Variants in TMPRSS15 observed in about 807,000 individuals in gnomAD.
The protein encoded by TMPRSS15 is transmembrane serine protease 15.
TMPRSS15 carries 128 observed loss-of-function variants against 125.3 expected under a neutral mutation model. That is an observed-to-expected ratio of 1.02 (90% CI 0.89 to 1.18). The LOEUF (loss-of-function observed/expected upper bound fraction) is 1.18, where lower values mean the gene tolerates loss of function less well. Among genes scored for constraint, TMPRSS15 ranks in the 50% most tolerant of loss-of-function variants. TMPRSS15 has a pLI of 0.00. For missense variants in TMPRSS15, 1,283 were observed against 1,212.7 expected (o/e 1.06, Z -0.86); for synonymous variants, 446 against 423.2 (o/e 1.05, Z -0.66).
intron 21 of TMPRSS15, among the ~76,000 whole-genome samples, chr21:18,282,838 T>A (rs1406477088): frequency 1.3e-5 from 2 of 152,198 alleles, no homozygotes; most frequent in Non-Finnish European, 2.9e-5. Flanking sequence ...CACCAGTGAC[T>A]GGGGTGCCTC....
intron 10 of TMPRSS15, among the ~76,000 whole-genome samples, chr21:18,352,009 T>G (rs1262430547): frequency 1.3e-5 from 2 of 152,096 alleles, no homozygotes; most frequent in African/African-American, 2.4e-5. Flanking sequence ...AGTATTCTTA[T>G]CAGCAAGTCA....
intron 16 of TMPRSS15, among the ~76,000 whole-genome samples, chr21:18,321,765 C>G (rs2075240602): frequency 2.0e-5 from 3 of 152,168 alleles, no homozygotes; most frequent in Admixed American, 2.0e-4. Flanking sequence ...GCCTCCACAG[C>G]CAAGTCCCTG....
chr21:18,280,575 C>CAA (rs1230513414), intron 22 of TMPRSS15, among the ~76,000 whole-genome samples: 19 of 48,234 alleles, frequency 3.9e-4, no homozygotes, highest in African/African-American at 7.5e-4. Context: ...GACTCCGTCT[C>CAA]AAAAAAAAAA....
chr21:18,390,643 G>A (rs1449746524), intron 3 of TMPRSS15, among the ~76,000 whole-genome samples: 1 of 152,158 alleles, frequency 6.6e-6, no homozygotes. Flanking sequence ...AAATGCACAG[G>A]GGGAAGAAGT....
chr21:18,354,270 G>C (rs2079843542), intron 8 of TMPRSS15, among the ~76,000 whole-genome samples: 1 of 151,600 alleles, frequency 6.6e-6, no homozygotes, highest in Admixed American at 6.6e-5. Context: ...GCTTAATCTG[G>C]GTAAAATAAC....
At chr21:18,451,124 G>C (rs1249408260) in intron 1 of TMPRSS15, among the ~76,000 whole-genome samples, 2 of 151,622 alleles carry the variant, frequency 1.3e-5, no homozygotes, top group African/African-American at 4.8e-5. Flanking sequence ...GTGGTGTTTT[G>C]TTAAGGATTT....
intron 1 of TMPRSS15, among the ~76,000 whole-genome samples, chr21:18,447,769 G>T (rs4816774): frequency 4.0e-5 from 6 of 151,874 alleles, no homozygotes; most frequent in African/African-American, 1.5e-4. Flanking sequence ...TGCAATGATC[G>T]TGAGGCCTCC....
At chr21:18,450,733 G>A (rs2076266516) in intron 1 of TMPRSS15, among the ~76,000 whole-genome samples, 1 of 152,164 alleles carries the variant, frequency 6.6e-6, no homozygotes. Context: ...CTTCTGGAAT[G>A]CCCTTGTGTC....
chr21:18,453,951 C>A (rs1421506884), intron 1 of TMPRSS15, among the ~76,000 whole-genome samples: 1 of 152,128 alleles, frequency 6.6e-6, no homozygotes, highest in Non-Finnish European at 1.5e-5. Flanking sequence ...AAGAGTTAAA[C>A]TCATGGGAGC....
chr21:18,411,504 G>T (rs189348782), intron 1 of TMPRSS15, among the ~76,000 whole-genome samples: 2 of 152,002 alleles, frequency 1.3e-5, no homozygotes, highest in Admixed American at 1.3e-4. Flanking sequence ...TTTTCCCTGA[G>T]ATTTGTTTCA....
chr21:18,390,432 G>A (rs539040951), intron 3 of TMPRSS15, among the ~76,000 whole-genome samples: 5 of 152,190 alleles, frequency 3.3e-5, no homozygotes, highest in African/African-American at 4.8e-5. Flanking sequence ...GTTAATAACA[G>A]CTGCTAAATA....
At chr21:18,407,575 T>A (rs1276328849), upstream of TMPRSS15, among the ~76,000 whole-genome samples, 1 of 151,606 alleles carries the variant, frequency 6.6e-6, no homozygotes, top group Non-Finnish European at 1.5e-5. Context: ...GCCTCCTGAG[T>A]ATATGGGGCT....
At chr21:18,381,217 T>C (rs1241911066) in intron 4 of TMPRSS15, among the ~76,000 whole-genome samples, 2 of 152,170 alleles carry the variant, frequency 1.3e-5, no homozygotes, top group African/African-American at 2.4e-5. Context: ...TATATTCGTT[T>C]CTACTAACTA....
chr21:18,398,020 G>A (rs954434174), intron 2 of TMPRSS15, 74 bp from the exon 3 acceptor site: 3 of 1,253,230 alleles, frequency 2.4e-6, no homozygotes, highest in African/African-American at 3.0e-5. Context: ...TTTATACAAA[G>A]CAATCTTTAT....
At position 18,396,800 on chromosome 21, in the gene TMPRSS15, G is replaced by GTCTATCTA. The variant is rs1324901762; in HGVS notation, c.344+1078_344+1079insTAGATAGA. On this transcript the variant is annotated intron_variant, in intron 3 of 24. Coordinates refer to ENST00000284885, the MANE Select transcript of TMPRSS15 (RefSeq NM_002772.3). ...AAAAAAAAAAAAAAAAAATCTGTCTGTCTGTCTGTCTATCTATCTATCTAT... is the reference window on the plus strand; with the variant it reads ...AAAAAAAAAAAAAAAAAATCTGTCTGTCTATCTATCTGTCTGTCTATCTATCTATCTAT... 8.7e-4 allele frequency among the ~76,000 whole-genome samples: 59 copies of GTCTATCTA among 67,796 alleles called. 1 individual carries two copies. Among genetic ancestry groups the GTCTATCTA allele is most frequent in the East Asian group, 1.8e-3 (4 of 2,214 alleles). The allele number at this position is 67,796 out of a possible 152,430, so 44.5% of individuals were successfully genotyped here.
intron 1 of TMPRSS15, among the ~76,000 whole-genome samples, chr21:18,467,961 C>T (rs1380278649): frequency 6.6e-6 from 1 of 151,716 alleles, no homozygotes; most frequent in Non-Finnish European, 1.5e-5. Flanking sequence ...AAAAGAAAGA[C>T]AAGAGAGGAG....
At chr21:18,270,178 CAT>C (rs2074537724) in intron 24 of TMPRSS15, 54 bp from the exon 25 acceptor site, 1 of 1,443,102 alleles carries the variant, frequency 6.9e-7, no homozygotes, top group Non-Finnish European at 9.7e-7. Flanking sequence ...TTGATCGAAA[CAT>C]ATAAAATTAT....
At position 18,484,643 on chromosome 21, in the gene TMPRSS15, T is replaced by C. The variant is rs566844715; in HGVS notation, c.10+1156A>G. ...GATCAGGACATTATGTTTTTCTAGT[T>C]GGATTTCCAGTTGCCACAGTACCAT... On this transcript the variant is annotated intron_variant, in intron 1 of 7. Coordinates refer to the TMPRSS15 transcript ENST00000422787. Among the ~76,000 whole-genome samples, 49 of 151,958 alleles carry C rather than the reference T, an allele frequency of 3.2e-4. 2 individuals carry two copies. The South Asian group carries it at 0.01, about 31-fold the overall frequency.
At chr21:18,401,202 C>T (rs937922163) in intron 1 of TMPRSS15, among the ~76,000 whole-genome samples, 1 of 152,100 alleles carries the variant, frequency 6.6e-6, no homozygotes, top group African/African-American at 2.4e-5. Context: ...ACAGAAATAC[C>T]ATTTGACCCA....
Sources: allele counts gnomAD v4.1 joint callset (sites outside exome capture counted in the v4.1 genomes callset), GRCh38; gene constraint gnomAD v4.1.1; transcripts MANE v1.5; gene names NCBI Gene and HGNC (gene_info 2026-07-23, HGNC 2026-07-21).